RUVBL2: variants seen among roughly 807,000 people sequenced by gnomAD.
The protein encoded by RUVBL2 is ruvB-like 2.
In RUVBL2, 9 loss-of-function variants were observed where a neutral mutation model predicts 57.9. The observed-to-expected ratio is 0.16, with a 90% CI of 0.09 to 0.27. The LOEUF (loss-of-function observed/expected upper bound fraction) is 0.27. RUVBL2 is among the 10% of genes least tolerant of loss of function. The pLI, the probability that RUVBL2 is intolerant of heterozygous loss-of-function variation, is 1.00. For synonymous variants in RUVBL2, 278 were observed against 264.6 expected (o/e 1.05, Z -0.49); for missense variants, 456 against 669.6 (o/e 0.68, Z 3.52).
In RUVBL2 at chr19:49,010,468, C is replaced by CT; in HGVS notation, c.664-20_664-19insT. The CT allele has an allele frequency of 9.9e-6, 8 of 807,070 alleles. No individual in the cohort carries two copies. The highest frequency in any genetic ancestry group is 4.2e-5 in the South Asian group (3 of 71,010). 50.0% of individuals were successfully genotyped at this position (807,070 alleles called of 1,614,324 possible). ...TCCCTGCCCTGTCTCCGCCGTTCTT[C>CT]CCCCACCCCCGCCCCATAGACCAAG... On this transcript the variant is annotated intron_variant, in intron 8 of 14. Transcript: ENST00000595090.
chr19:49,013,113 G>A (rs1017053151), intron 11 of RUVBL2, among the ~76,000 whole-genome samples: 6 of 152,102 alleles, frequency 3.9e-5, no homozygotes, highest in East Asian at 1.9e-4. Flanking sequence ...ATGGGCACCC[G>A]CCACCATGCC....
intron 6 of RUVBL2, among the ~76,000 whole-genome samples, 170 bp downstream of exon 6, chr19:49,007,538 C>T (rs963224776): frequency 6.6e-6 from 1 of 152,090 alleles, no homozygotes; most frequent in Non-Finnish European, 1.5e-5. Flanking sequence ...AATGGCTTAT[C>T]CCCTTATGAA....
intron 6 of RUVBL2, among the ~76,000 whole-genome samples, chr19:49,007,917 C>T (rs1437956671): frequency 1.3e-5 from 2 of 151,798 alleles, no homozygotes; most frequent in Non-Finnish European, 2.9e-5. Context: ...CCATGTTGGC[C>T]AGGCTGGTCT....
At chr19:49,015,288 C>T in intron 13 of RUVBL2, 138 bp downstream of exon 13, 1 of 1,221,436 alleles carries the variant, frequency 8.2e-7, no homozygotes, top group Non-Finnish European at 1.1e-6. Context: ...AGGTTGGCTT[C>T]TGTATCATCC....
intron 3 of RUVBL2, 71 bp downstream of exon 3, chr19:49,003,405 G>A: frequency 7.4e-7 from 1 of 1,356,196 alleles, no homozygotes; most frequent in Non-Finnish European, 1.0e-6. Flanking sequence ...CCAGGGTCCT[G>A]GGGAGTGTGG....
chr19:49,010,847 C>T, intron 9 of RUVBL2, 152 bp from the exon 10 acceptor site: 1 of 850,396 alleles, frequency 1.2e-6, no homozygotes, highest in South Asian at 1.6e-5. Context: ...GCCTCTGTTC[C>T]TCCTCTTTGG....
rs1481049360 is a variant in RUVBL2 at position 49,007,499 on chromosome 19, G to C, written c.462+131G>C. ...AGCTGCAGACTAGAGCCATGTACAT[G>C]CCTACAGTAGGAGGTCAGTTAACTT... is the stretch of plus-strand genomic sequence containing the variant. On this transcript the variant is annotated intron_variant, in intron 6 of 14. Transcript: ENST00000595090. 4.1e-6 allele frequency: 3 copies of C among 725,882 alleles called. No homozygotes were observed. The East Asian group carries it at 8.2e-5, about 20-fold the overall frequency. 45.0% of individuals were successfully genotyped at this position (725,882 alleles called of 1,614,324 possible).
At chr19:48,996,857 T>C (rs1390557002) in intron 1 of RUVBL2, among the ~76,000 whole-genome samples, 1 of 152,092 alleles carries the variant, frequency 6.6e-6, no homozygotes, top group Non-Finnish European at 1.5e-5. Context: ...GAGACAGGGT[T>C]TCACCATGTT....
At chr19:48,993,551 G>A (rs1012186811), upstream of RUVBL2, 20 of 462,930 alleles carry the variant, frequency 4.3e-5, 1 homozygote, top group South Asian at 2.2e-4. Flanking sequence ...GGAGCTGGAG[G>A]CCTCAAAGTG....
At chr19:48,993,610 G>C, upstream of RUVBL2, 1 of 550,180 alleles carries the variant, frequency 1.8e-6, no homozygotes, top group Non-Finnish European at 3.3e-6. Context: ...TGGAGGACGT[G>C]TGGTTACTCA....
At chr19:48,999,842 T>C (rs980308454) in intron 2 of RUVBL2, among the ~76,000 whole-genome samples, 6 of 152,150 alleles carry the variant, frequency 3.9e-5, no homozygotes, top group African/African-American at 1.4e-4. Flanking sequence ...AGGTGCATAT[T>C]GTAACTGTTA....
chr19:48,997,997 G>A (rs1441381876), intron 1 of RUVBL2, among the ~76,000 whole-genome samples: 3 of 152,168 alleles, frequency 2.0e-5, no homozygotes, highest in Admixed American at 6.5e-5. Context: ...ATTGAGTCCC[G>A]AGGTGAACAA....
At chr19:49,000,416 G>A (rs1337610395) in intron 2 of RUVBL2, among the ~76,000 whole-genome samples, 1 of 151,720 alleles carries the variant, frequency 6.6e-6, no homozygotes, top group African/African-American at 2.4e-5. Context: ...TTTGCTGGGC[G>A]TGGTGGCGCG....
Position 49,014,495 on chromosome 19 carries a change from C to T in RUVBL2, c.1013C>T (p.Thr338Ile), listed in dbSNP as rs373092142. The change falls in exon 12 of 15, where the codon ACC (threonine) becomes ATC (isoleucine). Residue 338 changes from threonine (T) to isoleucine (I), a missense_variant. Physicochemically the swap from Thr to Ile is moderately conservative, Grantham distance 89. This residue lies in a region of RUVBL2 where 130 missense variants were observed against 243.0 expected (regional missense o/e 0.53). Transcript: ENST00000595090. ...TGCCTCTTCCTCAGAATCCGGGGCA[C>T]CAGCTACCAGAGCCCTCACGGCATC... ...TNRGITRIRG[T>I]SYQSPHGIPI... 2.2e-5 allele frequency: 35 copies of T among 1,613,926 alleles called. No homozygotes were observed. In the South Asian group the frequency reaches 2.6e-4, roughly 12 times the overall value.
intron 6 of RUVBL2, 31 bp downstream of exon 6, chr19:49,007,399 G>A (rs1218949691): frequency 6.2e-7 from 1 of 1,600,142 alleles, no homozygotes; most frequent in East Asian, 2.2e-5. Flanking sequence ...ACCCTGCTGA[G>A]GCCACCTCCA....
At position 49,014,741 on chromosome 19, in the gene RUVBL2, G is replaced by T. The variant is rs954807374; in HGVS notation, c.1121+138G>T. The T allele has an allele frequency of 7.2e-6, 9 of 1,256,936 alleles. No homozygotes were observed. In the African/African-American group the frequency reaches 1.2e-4, roughly 17 times the overall value. 77.9% of individuals were successfully genotyped at this position (1,256,936 alleles called of 1,614,324 possible). On this transcript the variant is annotated intron_variant, in intron 12 of 14. Coordinates refer to ENST00000595090, the MANE Select transcript of RUVBL2 (RefSeq NM_006666.3). The stretch of plus-strand genomic sequence containing the variant: ...AGAGGGCTGAGCGGGCACCCAGACG[G>T]TGGCCTCCGATCCGGGAGCAGGAGC...
intron 4 of RUVBL2, 138 bp downstream of exon 4, chr19:49,004,556 C>T: frequency 1.2e-6 from 1 of 852,630 alleles, no homozygotes; most frequent in Non-Finnish European, 1.8e-6. Context: ...TCATTCTTGC[C>T]CATGGAAGAA....
At chr19:48,995,800 A>G (rs1393020009) in intron 1 of RUVBL2, among the ~76,000 whole-genome samples, 3 of 151,996 alleles carry the variant, frequency 2.0e-5, no homozygotes, top group Non-Finnish European at 4.4e-5. Context: ...CCTGGCTAAT[A>G]TGGTGAAACC....
chr19:49,010,279 G>A, intron 8 of RUVBL2: 1 of 675,126 alleles, frequency 1.5e-6, no homozygotes, highest in Non-Finnish European at 2.5e-6. Context: ...GGCTTCTAAG[G>A]TCCTCCGGGA....
Sources: gnomAD v4.1 joint callset for allele counts (sites outside exome capture counted in the v4.1 genomes callset) on GRCh38, gnomAD v4.1.1 for gene constraint, gnomAD v4.1.1 regional missense constraint, MANE v1.5 for transcripts, NCBI Gene and HGNC (gene_info 2026-07-23, HGNC 2026-07-21) for gene names.